Variants in SLC35F1 observed in about 807,000 individuals in gnomAD.
SLC35F1 encodes the protein chromosome 6 open reading frame 169.
SLC35F1 carries 14 observed loss-of-function variants against 48.7 expected under a neutral mutation model. The ratio of observed to expected loss-of-function variants is 0.29; its 90% CI spans 0.19 to 0.45. The LOEUF is 0.45. Among genes scored for constraint, SLC35F1 ranks in the 20% least tolerant of loss-of-function variants. The pLI, the probability that SLC35F1 is intolerant of heterozygous loss-of-function variation, is 1.00. For synonymous variants in SLC35F1, 190 were observed against 202.2 expected (o/e 0.94, Z 0.51); for missense variants, 404 against 500.0 (o/e 0.81, Z 1.83).
At chr6:118,141,647 C>A (rs1773891612) in intron 1 of SLC35F1, among the ~76,000 whole-genome samples, 1 of 152,118 alleles carries the variant, frequency 6.6e-6, no homozygotes, top group Non-Finnish European at 1.5e-5. Flanking sequence ...ATCCTTTTTA[C>A]CCTGTTCATG....
chr6:117,945,955 A>G (rs1323014665), intron 1 of SLC35F1, among the ~76,000 whole-genome samples: 4 of 152,258 alleles, frequency 2.6e-5, no homozygotes, highest in African/African-American at 9.6e-5. Context: ...TGTTAAAATC[A>G]TGAGCATTTT....
intron 1 of SLC35F1, among the ~76,000 whole-genome samples, chr6:118,153,291 G>A (rs1774090591): frequency 1.3e-5 from 2 of 152,072 alleles, no homozygotes. Context: ...TTCCAAAAGC[G>A]CTAGAAGATT....
chr6:118,043,223 C>T (rs1461073266), intron 1 of SLC35F1, among the ~76,000 whole-genome samples: 1 of 152,108 alleles, frequency 6.6e-6, no homozygotes, highest in African/African-American at 2.4e-5. Flanking sequence ...ATAAAAATCA[C>T]TTTAACATTG....
intron 1 of SLC35F1, among the ~76,000 whole-genome samples, chr6:118,002,514 T>C (rs908755102): frequency 2.2e-4 from 33 of 151,936 alleles, no homozygotes; most frequent in African/African-American, 8.0e-4. Flanking sequence ...GACGAGTTAA[T>C]GGGTGCAGCA....
intron 1 of SLC35F1, among the ~76,000 whole-genome samples, chr6:118,048,977 C>T (rs1772342486): frequency 6.6e-6 from 1 of 152,156 alleles, no homozygotes; most frequent in Non-Finnish European, 1.5e-5. Context: ...TACAAGGCTA[C>T]AGTAACCAAA....
chr6:118,089,954 G>T (rs1773049141), intron 1 of SLC35F1, among the ~76,000 whole-genome samples: 1 of 152,282 alleles, frequency 6.6e-6, no homozygotes, highest in Non-Finnish European at 1.5e-5. Context: ...TAAAACAGCA[G>T]CTGGTAATGT....
chr6:117,925,734 G>T (rs918643002), intron 1 of SLC35F1, among the ~76,000 whole-genome samples: 1 of 152,126 alleles, frequency 6.6e-6, no homozygotes, highest in Non-Finnish European at 1.5e-5. Context: ...AGTGTGTGAT[G>T]TGCAGGGTGG....
intron 1 of SLC35F1, among the ~76,000 whole-genome samples, chr6:118,112,082 CT>C (rs1169093414): frequency 3.0e-5 from 4 of 131,734 alleles, no homozygotes; most frequent in Admixed American, 7.7e-5. Context: ...TTCTTTATTT[CT>C]TTCTTTTCTT....
chr6:118,004,587 G>T (rs1311911056), intron 1 of SLC35F1, among the ~76,000 whole-genome samples: 1 of 151,790 alleles, frequency 6.6e-6, no homozygotes, highest in African/African-American at 2.4e-5. Context: ...TTAAAAACAG[G>T]GTCTCATGCT....
Position 118,314,603 on chromosome 6 carries a change from G to T in SLC35F1, c.*351G>T. 7.5e-6 allele frequency: 2 copies of T among 266,954 alleles called. No homozygotes were observed. The highest frequency in any genetic ancestry group is 7.7e-5 in the East Asian group (1 of 12,970). The allele number at this position is 266,954 out of a possible 1,614,324, so 16.5% of individuals were successfully genotyped here. On this transcript the variant is annotated 3_prime_UTR_variant, in exon 8 of 8. Transcript: ENST00000360388. ...ACACCAACTTTCAGGAGGATGTTTT[G>T]TACTCCTGATGGAAACTATTGCCAG...
intron 1 of SLC35F1, among the ~76,000 whole-genome samples, chr6:117,933,965 A>G (rs557233774): frequency 2.6e-5 from 4 of 152,066 alleles, no homozygotes; most frequent in Admixed American, 1.3e-4. Flanking sequence ...TTTCCATTCA[A>G]TGGAAATAAC....
At chr6:118,112,984 AAGAC>A (rs1425518733) in intron 1 of SLC35F1, among the ~76,000 whole-genome samples, 3 of 152,202 alleles carry the variant, frequency 2.0e-5, no homozygotes, top group Middle Eastern at 6.3e-3. Context: ...TTTAATTTTA[AAGAC>A]AGACAATTTA....
chr6:117,975,483 T>G (rs1362821655), intron 1 of SLC35F1, among the ~76,000 whole-genome samples: 2 of 152,042 alleles, frequency 1.3e-5, no homozygotes, highest in Non-Finnish European at 2.9e-5. Context: ...GCCTTGAAAA[T>G]TTTTTTTCAT....
chr6:118,311,515 C>T (rs1776371385), intron 7 of SLC35F1, among the ~76,000 whole-genome samples: 2 of 152,198 alleles, frequency 1.3e-5, no homozygotes, highest in Non-Finnish European at 2.9e-5. Context: ...TTAGGCCAGG[C>T]GCGATGGCCC....
intron 1 of SLC35F1, among the ~76,000 whole-genome samples, chr6:118,128,841 G>T (rs1054931582): frequency 2.6e-5 from 4 of 151,742 alleles, no homozygotes; most frequent in Non-Finnish European, 5.9e-5. Context: ...ATAAATAAAA[G>T]AAAAGAAAAT....
chr6:118,065,086 T>C (rs1772594023), intron 1 of SLC35F1, among the ~76,000 whole-genome samples: 1 of 152,104 alleles, frequency 6.6e-6, no homozygotes, highest in African/African-American at 2.4e-5. Context: ...CCACTAGAGG[T>C]TGATAACAGG....
At chr6:118,045,997 G>A (rs1481657756) in intron 1 of SLC35F1, among the ~76,000 whole-genome samples, 1 of 152,140 alleles carries the variant, frequency 6.6e-6, no homozygotes, top group African/African-American at 2.4e-5. Flanking sequence ...CACTCAACCA[G>A]ATGGATAGAA....
intron 1 of SLC35F1, among the ~76,000 whole-genome samples, chr6:118,039,436 AT>A (rs913719132): frequency 7.2e-5 from 11 of 151,744 alleles, no homozygotes; most frequent in Non-Finnish European, 1.5e-4. Flanking sequence ...CTTTAAATAT[AT>A]TTTTTTCTAT....
Position 118,034,204 on chromosome 6 carries a change from T to A in SLC35F1, c.174-120241T>A, listed in dbSNP as rs183894503. On this transcript the variant is annotated intron_variant, in intron 1 of 7. Transcript: ENST00000360388. ...ACATATGGTCACTGTTACTTTTTTTTAAAACATCTTAAAAATATAAAACCT... is the reference window on the plus strand; with the variant it reads ...ACATATGGTCACTGTTACTTTTTTTAAAAACATCTTAAAAATATAAAACCT... Among the ~76,000 whole-genome samples the A allele has an allele frequency of 2.6e-3, 396 of 152,272 alleles. 1 individual carries two copies. Among genetic ancestry groups the A allele is most frequent in the African/African-American group, 9.1e-3 (378 of 41,544 alleles).
Sources: gnomAD v4.1 joint callset for allele counts (sites outside exome capture counted in the v4.1 genomes callset) on GRCh38, gnomAD v4.1.1 for gene constraint, MANE v1.5 for transcripts, NCBI Gene and HGNC (gene_info 2026-07-23, HGNC 2026-07-21) for gene names.